ACVR1: variants seen among roughly 807,000 people sequenced by gnomAD.
ACVR1 encodes the protein activin A receptor type 1.
Under a neutral mutation model 57.1 loss-of-function variants are expected in ACVR1, and 38 were observed. That is an observed-to-expected ratio of 0.67 (90% CI 0.51 to 0.87). ACVR1 has a LOEUF of 0.87. Ranked by LOEUF, ACVR1 falls within the 40% of genes least tolerant of loss-of-function variation. The pLI is 0.00. For synonymous variants in ACVR1, 212 were observed against 228.1 expected (o/e 0.93, Z 0.63); for missense variants, 463 against 638.2 (o/e 0.73, Z 2.96).
intron 9 of ACVR1, among the ~76,000 whole-genome samples, chr2:157,747,130 T>C (rs1481466692): frequency 6.6e-6 from 1 of 152,244 alleles, no homozygotes; most frequent in Non-Finnish European, 1.5e-5. Context: ...GATATTCATA[T>C]ATTTAAATGA....
intron 1 of ACVR1, among the ~76,000 whole-genome samples, chr2:157,847,345 C>T (rs1370891673): frequency 6.6e-6 from 1 of 152,084 alleles, no homozygotes; most frequent in Non-Finnish European, 1.5e-5. Flanking sequence ...ACATGCCTAT[C>T]AGAGATTGAC....
chr2:157,744,596 T>C (rs1684893338), intron 9 of ACVR1, among the ~76,000 whole-genome samples: 1 of 152,216 alleles, frequency 6.6e-6, no homozygotes, highest in Non-Finnish European at 1.5e-5. Flanking sequence ...CAAAGTAGCA[T>C]TTGGATATGG....
intron 1 of ACVR1, among the ~76,000 whole-genome samples, chr2:157,858,669 G>C (rs1429184744): frequency 6.6e-6 from 1 of 151,996 alleles, no homozygotes; most frequent in Non-Finnish European, 1.5e-5. Flanking sequence ...TTTTTGTCGA[G>C]ACGGGGTTTC....
chr2:157,770,336 A>G, intron 7 of ACVR1, 32 bp downstream of exon 7: 1 of 1,612,810 alleles, frequency 6.2e-7, no homozygotes, highest in Non-Finnish European at 8.5e-7. Flanking sequence ...CTCCCTAGAT[A>G]CAATTAATGA....
chr2:157,769,763 T>C (rs1686008066), intron 7 of ACVR1, among the ~76,000 whole-genome samples: 1 of 152,160 alleles, frequency 6.6e-6, no homozygotes, highest in Non-Finnish European at 1.5e-5. Flanking sequence ...TAGAGAAACT[T>C]TTCAAAAATA....
rs988457961 is a variant in ACVR1, at chr2:157,816,282, G to A, written c.-8+2103C>T. Among the ~76,000 whole-genome samples the A allele has an allele frequency of 3.9e-5, 6 of 152,172 alleles. No individual in the cohort carries two copies. The East Asian group carries it at 1.2e-3, about 29-fold the overall frequency. On this transcript the variant is annotated intron_variant, in intron 2 of 10. Coordinates refer to ENST00000434821, the MANE Select transcript of ACVR1 (RefSeq NM_001111067.4). ...TCTATATATGGCTATACTTTATACT[G>A]TTTCGTATTATCTGAAATGAAATAA...
chr2:157,855,321 TATACAC>T lies in ACVR1; in HGVS notation c.-183+20469_-183+20474del, dbSNP rs1202733237. On this transcript the variant is annotated intron_variant, in intron 1 of 10. Coordinates refer to ENST00000434821, the MANE Select transcript of ACVR1 (RefSeq NM_001111067.4). ...GTGTGTGTGTGTGTATATATATATA[TATACAC>T]ACACACACACACACACACAAAAATT... is the stretch of plus-strand genomic sequence containing the variant. Among the ~76,000 whole-genome samples, 47 of 109,384 alleles carry T rather than the reference TATACAC, an allele frequency of 4.3e-4. 2 individuals carry two copies. Among genetic ancestry groups the T allele is most frequent in the African/African-American group, 1.6e-3 (45 of 28,760 alleles). 71.8% of individuals were successfully genotyped at this position (109,384 alleles called of 152,430 possible). A position where few individuals can be genotyped will look rare whatever the true frequency, so the allele number is the denominator to read the frequency against.
intron 9 of ACVR1, among the ~76,000 whole-genome samples, chr2:157,755,903 G>T (rs1052935390): frequency 2.0e-5 from 3 of 152,102 alleles, no homozygotes; most frequent in African/African-American, 7.2e-5. Flanking sequence ...TACATTACCT[G>T]ACTTCAAACT....
At chr2:157,870,883 A>G (rs928262206) in intron 1 of ACVR1, among the ~76,000 whole-genome samples, 1 of 152,064 alleles carries the variant, frequency 6.6e-6, no homozygotes. Context: ...CACTTTCCAA[A>G]CTCATCCTTA....
intron 1 of ACVR1, among the ~76,000 whole-genome samples, chr2:157,834,762 C>A (rs1688719386): frequency 6.6e-6 from 1 of 152,150 alleles, no homozygotes; most frequent in African/African-American, 2.4e-5. Flanking sequence ...GTAACCTAAT[C>A]ACCAATGGGA....
chr2:157,776,981 C>T (rs1686313453), intron 5 of ACVR1, among the ~76,000 whole-genome samples: 1 of 152,180 alleles, frequency 6.6e-6, no homozygotes, highest in African/African-American at 2.4e-5. Context: ...TTGGTATTGG[C>T]ATGTCTCTTG....
rs1158969294 is a variant in ACVR1 at position 157,799,439 on chromosome 2, G to A, written c.55C>T (p.Pro19Ser). ...PVLIMIALPS[P>S]SMEDEKPKVN... ...GTGAGTCACTTACCTTCCATACTAGGGGAGGGGAGAGCAATCATGATAAGC... is the reference window on the plus strand; with the variant it reads ...GTGAGTCACTTACCTTCCATACTAGAGGAGGGGAGAGCAATCATGATAAGC... The change falls in exon 3 of 11, where the codon CCT (proline) becomes TCT (serine). Residue 19 changes from proline to serine, a missense_variant. Pro to Ser is a moderately conservative substitution (Grantham distance 74, BLOSUM62 -1). Transcript: ENST00000434821. 6 of 1,611,432 alleles carry A rather than the reference G, an allele frequency of 3.7e-6. No homozygotes were observed. Among genetic ancestry groups the A allele is most frequent in the Admixed American group, 3.3e-5 (2 of 59,952 alleles).
At chr2:157,761,452 G>C (rs1223419956) in intron 8 of ACVR1, among the ~76,000 whole-genome samples, 1 of 152,158 alleles carries the variant, frequency 6.6e-6, no homozygotes, top group East Asian at 1.9e-4. Flanking sequence ...AAGCTCTCAA[G>C]CTCCACCACT....
At chr2:157,743,435 AT>A (rs942003383) in intron 9 of ACVR1, among the ~76,000 whole-genome samples, 1 of 151,804 alleles carries the variant, frequency 6.6e-6, no homozygotes, top group Non-Finnish European at 1.5e-5. Flanking sequence ...TATTCTGGGG[AT>A]TTTTTGCCCA....
intron 1 of ACVR1, among the ~76,000 whole-genome samples, chr2:157,834,184 C>A (rs888312838): frequency 6.6e-6 from 1 of 152,128 alleles, no homozygotes; most frequent in Non-Finnish European, 1.5e-5. Flanking sequence ...CTCTGCCTCC[C>A]GAATTCAAGC....
At chr2:157,856,597 A>G (rs976305054) in intron 1 of ACVR1, among the ~76,000 whole-genome samples, 2 of 152,192 alleles carry the variant, frequency 1.3e-5, no homozygotes, top group Admixed American at 1.3e-4. Flanking sequence ...ACAAAACATC[A>G]TCTTTACTGG....
At chr2:157,740,751 C>T (rs577702190) in intron 9 of ACVR1, among the ~76,000 whole-genome samples, 21 of 152,328 alleles carry the variant, frequency 1.4e-4, no homozygotes, top group African/African-American at 4.8e-4. Context: ...ATGAATTTCA[C>T]TATACAAAGC....
intron 1 of ACVR1, among the ~76,000 whole-genome samples, chr2:157,826,148 C>T (rs1181791138): frequency 2.0e-5 from 3 of 152,174 alleles, no homozygotes; most frequent in Admixed American, 6.5e-5. Flanking sequence ...CCCACCAGGC[C>T]AGGACCAGAT....
At chr2:157,855,055 A>G (rs1353752368) in intron 1 of ACVR1, among the ~76,000 whole-genome samples, 1 of 151,870 alleles carries the variant, frequency 6.6e-6, no homozygotes, top group East Asian at 2.0e-4. Context: ...AAATAAGTAT[A>G]TAAGACAAAC....
Sources: gnomAD v4.1 joint callset for allele counts (sites outside exome capture counted in the v4.1 genomes callset) on GRCh38, gnomAD v4.1.1 for gene constraint, MANE v1.5 for transcripts, NCBI Gene and HGNC (gene_info 2026-07-23, HGNC 2026-07-21) for gene names.